The following CEMIP variants were observed in gnomAD, a reference collection of about 807,000 sequenced individuals.
The protein encoded by CEMIP is cell migration inducing hyaluronidase 1.
Under a neutral mutation model 156.9 loss-of-function variants are expected in CEMIP, and 105 were observed. That is an observed-to-expected ratio of 0.67 (90% CI 0.57 to 0.79). The LOEUF is 0.79. Ranked by LOEUF, CEMIP falls within the 30% of genes least tolerant of loss-of-function variation. The pLI is 0.00. For synonymous variants in CEMIP, 676 were observed against 668.4 expected (o/e 1.01, Z -0.17); for missense variants, 1,457 against 1,769.4 (o/e 0.82, Z 3.17).
chr15:80,934,757 G>C (rs546076841), intron 23 of CEMIP, among the ~76,000 whole-genome samples: 1 of 152,134 alleles, frequency 6.6e-6, no homozygotes. Flanking sequence ...AGCTGGTGGG[G>C]GTCAGGTGCC....
At chr15:80,931,807 C>G in intron 21 of CEMIP, 52 bp from the exon 22 acceptor site, 4 of 1,574,252 alleles carry the variant, frequency 2.5e-6, no homozygotes, top group Non-Finnish European at 3.5e-6. Context: ...TTCCTTAACT[C>G]CATAGGAATG....
At position 80,870,537 on chromosome 15, in the gene CEMIP, G is replaced by A. The variant is rs1898255405; in HGVS notation, c.-175-3001G>A. Among the ~76,000 whole-genome samples the A allele has an allele frequency of 2.0e-5, 3 of 152,186 alleles. No individual in the cohort carries two copies. In the South Asian group the frequency reaches 6.2e-4, roughly 31 times the overall value. On this transcript the variant is annotated intron_variant, in intron 1 of 29. Coordinates refer to ENST00000394685, the MANE Select transcript of CEMIP (RefSeq NM_001293298.2). ...CCCTGTCTCCCCTTGCTCTGCAGGT[G>A]ACAAGCCCTGGACTCCGGTGCGGCT... is the stretch of plus-strand genomic sequence containing the variant.
chr15:80,878,824 C>G lies in CEMIP; in HGVS notation c.198C>G (p.Leu66=), dbSNP rs750194023. ...TCGGCCAGGGCAAGACACTGCTGCT[C>G]ACCTCTTCTGCCACGGTCTATTCCA... The part of the protein sequence containing the change: ...VHIGQGKTLL[L]TSSATVYSIH... The change falls in exon 4 of 30, where the codon CTC becomes CTG. Residue 66 remains leucine (L), a synonymous_variant. Transcript: ENST00000394685. 2 of 1,614,094 alleles carry G rather than the reference C, an allele frequency of 1.2e-6. No individual in the cohort carries two copies. Among genetic ancestry groups the G allele is most frequent in the Non-Finnish European group, 1.7e-6 (2 of 1,180,050 alleles).
In CEMIP at chr15:80,797,497, A is replaced by T. The variant is rs1596095404; in HGVS notation, c.-176+17883A>T. ...AAAAGCAGCAGTCACACTGTTCACCAACATCCAGTCCCTCTTTTTTTCTGG... is the reference window on the plus strand; with the variant it reads ...AAAAGCAGCAGTCACACTGTTCACCTACATCCAGTCCCTCTTTTTTTCTGG... On this transcript the variant is annotated intron_variant, in intron 1 of 29. Transcript: ENST00000394685. Among the ~76,000 whole-genome samples, 3 of 152,220 alleles carry T rather than the reference A, an allele frequency of 2.0e-5. No homozygotes were observed. In the South Asian group the frequency reaches 6.2e-4, roughly 32 times the overall value.
intron 1 of CEMIP, among the ~76,000 whole-genome samples, chr15:80,868,208 A>G (rs906907077): frequency 6.6e-6 from 1 of 152,114 alleles, no homozygotes; most frequent in Non-Finnish European, 1.5e-5. Context: ...CACCACAAGA[A>G]AGCTGGAGGG....
At chr15:80,809,938 C>G (rs1044876154) in intron 1 of CEMIP, among the ~76,000 whole-genome samples, 2 of 152,100 alleles carry the variant, frequency 1.3e-5, no homozygotes, top group Non-Finnish European at 2.9e-5. Context: ...TTTAAAGGGC[C>G]CATGTGATTA....
chr15:80,786,803 T>A (rs930248624), intron 1 of CEMIP, among the ~76,000 whole-genome samples: 1 of 152,188 alleles, frequency 6.6e-6, no homozygotes, highest in African/African-American at 2.4e-5. Context: ...AAAATGGGCT[T>A]CTTATTTACA....
intron 1 of CEMIP, among the ~76,000 whole-genome samples, chr15:80,813,100 G>A (rs1330890061): frequency 6.6e-6 from 1 of 152,188 alleles, no homozygotes; most frequent in East Asian, 1.9e-4. Flanking sequence ...AAAGGCAGAA[G>A]ATGAGGAATG....
At chr15:80,865,872 A>G (rs1389871943) in intron 1 of CEMIP, among the ~76,000 whole-genome samples, 1 of 152,118 alleles carries the variant, frequency 6.6e-6, no homozygotes, top group Non-Finnish European at 1.5e-5. Context: ...TGGGAGGGTC[A>G]TGTGCATTAT....
rs143318876 is a variant in CEMIP at position 80,909,135 on chromosome 15, G to A, written c.1626G>A (p.Thr542=). ...LGFKAAHLEG[T]ELKHMGQQLV... is the part of the protein sequence containing the mutation. ...TTAAGGCAGCACACTTGGAGGGCAC[G>A]GAGCTGAAGCATATGGGACAGCAGC... The change falls in exon 14 of 30, where the codon ACG becomes ACA. Residue 542 remains threonine, a synonymous_variant. Coordinates refer to ENST00000394685, the MANE Select transcript of CEMIP (RefSeq NM_001293298.2). 7.4e-5 allele frequency: 120 copies of A among 1,614,126 alleles called. No homozygotes were observed. Among genetic ancestry groups the A allele is most frequent in the Middle Eastern group, 3.3e-4 (2 of 6,036 alleles).
Position 80,882,195 on chromosome 15 carries a change from A to G in CEMIP, c.617+1059A>G, listed in dbSNP as rs111627360. 3.6e-4 allele frequency among the ~76,000 whole-genome samples: 55 copies of G among 152,334 alleles called. 1 individual carries two copies. The highest frequency in any genetic ancestry group is 1.3e-3 in the African/African-American group (52 of 41,568). On this transcript the variant is annotated intron_variant, in intron 6 of 29. Coordinates refer to ENST00000394685, the MANE Select transcript of CEMIP (RefSeq NM_001293298.2). ...GCTTGCTGGTGCTCACAGACACCCAACCTTGCCGGTAAACATTAGTACCTA... is the reference window on the plus strand; with the variant it reads ...GCTTGCTGGTGCTCACAGACACCCAGCCTTGCCGGTAAACATTAGTACCTA...
At chr15:80,900,632 G>C (rs867056368) in intron 12 of CEMIP, among the ~76,000 whole-genome samples, 4 of 134,728 alleles carry the variant, frequency 3.0e-5, no homozygotes, top group African/African-American at 5.3e-5. Context: ...GTGTGTGTGT[G>C]TGTGTGTGTG....
At chr15:80,829,129 C>T (rs753116934) in intron 1 of CEMIP, among the ~76,000 whole-genome samples, 39 of 152,206 alleles carry the variant, frequency 2.6e-4, no homozygotes, top group Non-Finnish European at 5.1e-4. Flanking sequence ...CTCCTGATCC[C>T]TGCCCTGATG....
At chr15:80,862,623 T>C (rs1387224871) in intron 1 of CEMIP, among the ~76,000 whole-genome samples, 2 of 152,052 alleles carry the variant, frequency 1.3e-5, no homozygotes, top group African/African-American at 2.4e-5. Flanking sequence ...CACTGTGAGG[T>C]AGGAGGCAGC....
At chr15:80,788,114 A>G (rs1895985572) in intron 1 of CEMIP, among the ~76,000 whole-genome samples, 2 of 152,146 alleles carry the variant, frequency 1.3e-5, no homozygotes, top group South Asian at 4.1e-4. Flanking sequence ...CTTGTAAAGA[A>G]CAGTAGGAAT....
intron 10 of CEMIP, among the ~76,000 whole-genome samples, chr15:80,890,488 C>T (rs1270803579): frequency 1.3e-5 from 2 of 150,964 alleles, no homozygotes; most frequent in Non-Finnish European, 2.9e-5. Flanking sequence ...TACTCAGGGT[C>T]TGAGGCAGGA....
chr15:80,920,075 CCT>C lies in CEMIP; in HGVS notation c.1798-18_1798-17del, dbSNP rs371666150. On this transcript the variant is annotated splice_polypyrimidine_tract_variant and intron_variant, in intron 14 of 29. Coordinates refer to ENST00000394685, the MANE Select transcript of CEMIP (RefSeq NM_001293298.2). The stretch of plus-strand genomic sequence containing the variant: ...ATAACTGGATGCTTGGTGAAACACC[CCT>C]GTCTTGACCCCTGCAGATCAAGGAC... 450 of 1,613,246 alleles carry C rather than the reference CCT, an allele frequency of 2.8e-4. 1 individual carries two copies. The African/African-American group carries it at 4.4e-3, about 16-fold the overall frequency.
intron 13 of CEMIP, among the ~76,000 whole-genome samples, chr15:80,908,502 A>G (rs911883201): frequency 5.9e-5 from 9 of 152,172 alleles, no homozygotes; most frequent in African/African-American, 2.2e-4. Flanking sequence ...CGTGTGGTCA[A>G]GAGGTTTTCT....
chr15:80,874,683 T>C (rs1040724243), intron 3 of CEMIP, among the ~76,000 whole-genome samples: 1 of 152,254 alleles, frequency 6.6e-6, no homozygotes, highest in South Asian at 2.1e-4. Flanking sequence ...TCAATTAACA[T>C]CTAGAAGTGT....
Sources: allele counts gnomAD v4.1 joint callset (sites outside exome capture counted in the v4.1 genomes callset), GRCh38; gene constraint gnomAD v4.1.1; transcripts MANE v1.5; gene names NCBI Gene and HGNC (gene_info 2026-07-23, HGNC 2026-07-21).